ZFHX3: variants seen among roughly 807,000 people sequenced by gnomAD.
ZFHX3 encodes zinc finger homeobox protein 3.
Under a neutral mutation model 279.1 loss-of-function variants are expected in ZFHX3, and 42 were observed. That is an observed-to-expected ratio of 0.15 (90% CI 0.12 to 0.19). The LOEUF (loss-of-function observed/expected upper bound fraction) is 0.19. ZFHX3 is among the 10% of genes least tolerant of loss of function. The pLI is 1.00. For missense variants in ZFHX3, 4,981 were observed against 4,754.0 expected, an observed-to-expected ratio of 1.05 and a Z score of -1.40; for synonymous variants, 2,293 against 1,957.8, an observed-to-expected ratio of 1.17 and a Z score of -4.52.
At chr16:73,228,503 A>C (rs2012673419) in intron 5 of ZFHX3, among the ~76,000 whole-genome samples, 1 of 152,108 alleles carries the variant, frequency 6.6e-6, no homozygotes, top group Admixed American at 6.5e-5. Context: ...TCTCTACGAA[A>C]AATACAAAAA....
At chr16:73,217,399 G>C (rs1337357643) in intron 5 of ZFHX3, among the ~76,000 whole-genome samples, 1 of 152,134 alleles carries the variant, frequency 6.6e-6, no homozygotes, top group African/African-American at 2.4e-5. Context: ...CAAAATCTGA[G>C]TCAAATAAGG....
intron 4 of ZFHX3, among the ~76,000 whole-genome samples, chr16:73,284,196 G>A (rs1359701272): frequency 6.6e-6 from 1 of 150,410 alleles, no homozygotes; most frequent in Non-Finnish European, 1.5e-5. Context: ...AGGCGCCTGT[G>A]ATCCCAGCTA....
At chr16:73,359,233 C>T (rs1344454668) in intron 3 of ZFHX3, among the ~76,000 whole-genome samples, 7 of 147,854 alleles carry the variant, frequency 4.7e-5, no homozygotes, top group African/African-American at 1.8e-4. Flanking sequence ...TGGAATGTTT[C>T]ACAGTGAAGA....
chr16:73,324,589 G>A (rs180740650), intron 3 of ZFHX3, among the ~76,000 whole-genome samples: 3 of 152,344 alleles, frequency 2.0e-5, no homozygotes, highest in Admixed American at 2.0e-4. Flanking sequence ...ATGAAAGTGG[G>A]TTAAGAAAGC....
intron 2 of ZFHX3, among the ~76,000 whole-genome samples, chr16:73,478,664 T>A (rs1055342093): frequency 2.0e-5 from 3 of 152,202 alleles, no homozygotes; most frequent in African/African-American, 7.2e-5. Flanking sequence ...AGCTCTTGTA[T>A]AAACAGATAA....
intron 1 of ZFHX3, among the ~76,000 whole-genome samples, chr16:72,997,145 C>T (rs1243057771): frequency 6.6e-6 from 1 of 152,196 alleles, no homozygotes; most frequent in African/African-American, 2.4e-5. Context: ...CACAAGTGTT[C>T]CTGCAGCTTC....
intron 9 of ZFHX3, among the ~76,000 whole-genome samples, chr16:72,792,019 TG>T (rs1311986738): frequency 6.6e-6 from 1 of 152,164 alleles, no homozygotes; most frequent in Non-Finnish European, 1.5e-5. Context: ...TTTGGTGAAC[TG>T]GAACTAATCA....
intron 1 of ZFHX3, among the ~76,000 whole-genome samples, chr16:73,045,188 G>GT (rs1291808257): frequency 1.3e-5 from 2 of 152,198 alleles, no homozygotes; most frequent in Admixed American, 1.3e-4. Flanking sequence ...ACTGCACACA[G>GT]TGACAATAAG....
At chr16:73,521,775 C>A (rs923274116) in intron 2 of ZFHX3, among the ~76,000 whole-genome samples, 5 of 151,938 alleles carry the variant, frequency 3.3e-5, no homozygotes, top group African/African-American at 1.2e-4. Flanking sequence ...AAACAATAAA[C>A]TTGGAACTCT....
intron 5 of ZFHX3, among the ~76,000 whole-genome samples, chr16:73,154,353 C>T (rs1389453929): frequency 1.3e-5 from 2 of 152,162 alleles, no homozygotes; most frequent in East Asian, 3.9e-4. Flanking sequence ...CCATCTGTTT[C>T]CTGTTCCGTT....
intron 1 of ZFHX3, among the ~76,000 whole-genome samples, chr16:72,963,423 G>C (rs1961682709): frequency 6.6e-6 from 1 of 152,214 alleles, no homozygotes. Flanking sequence ...TCTCCAGTGA[G>C]AAAGTTAAAG....
At chr16:73,516,553 C>A (rs958723047) in intron 2 of ZFHX3, among the ~76,000 whole-genome samples, 1 of 152,186 alleles carries the variant, frequency 6.6e-6, no homozygotes, top group African/African-American at 2.4e-5. Context: ...AAGGCTTAGA[C>A]ATACCTCCAG....
In ZFHX3 at chr16:72,958,700, T is replaced by TTCC. The variant is rs747702902; in HGVS notation, c.1443_1445dup (p.Glu487dup). 58 of 1,613,742 alleles carry TTCC rather than the reference T, an allele frequency of 3.6e-5. No homozygotes were observed. The South Asian group carries it at 5.7e-4, about 16-fold the overall frequency. ...AACCCTCGTCTTCCTCCTCCTCTTC[T>TTCC]TCCTCCTCCTCTTCTTCCTCCTCCT... On this transcript the variant is annotated inframe_insertion, in exon 2 of 10. Transcript: ENST00000268489.
At chr16:73,726,633 C>A (rs965703284) in intron 1 of ZFHX3, among the ~76,000 whole-genome samples, 3 of 152,134 alleles carry the variant, frequency 2.0e-5, no homozygotes, top group Non-Finnish European at 4.4e-5. Context: ...TCTGGGGAGG[C>A]CTCAGAGAGC....
intron 1 of ZFHX3, among the ~76,000 whole-genome samples, chr16:73,714,266 T>G (rs1165577956): frequency 2.0e-5 from 3 of 152,180 alleles, no homozygotes; most frequent in Non-Finnish European, 4.4e-5. Context: ...AGGTCAATTT[T>G]TTTTTCCTGC....
chr16:73,741,295 A>C (rs947002730), intron 1 of ZFHX3, among the ~76,000 whole-genome samples: 6 of 152,136 alleles, frequency 3.9e-5, no homozygotes, highest in Admixed American at 6.6e-5. Flanking sequence ...GCCACTTCAC[A>C]AGTCAAGTTG....
intron 2 of ZFHX3, among the ~76,000 whole-genome samples, chr16:73,591,585 C>A (rs1227333180): frequency 1.4e-5 from 2 of 140,364 alleles, no homozygotes; most frequent in Non-Finnish European, 1.5e-5. Flanking sequence ...CCCAGTTACT[C>A]GGGAGGCTGA....
At chr16:72,898,609 C>T (rs534072187) in intron 3 of ZFHX3, among the ~76,000 whole-genome samples, 24 of 152,204 alleles carry the variant, frequency 1.6e-4, no homozygotes, top group African/African-American at 5.5e-4. Context: ...AATGTCGACG[C>T]CTCCATGTAA....
At chr16:73,843,840 A>G (rs943138249) in intron 1 of ZFHX3, among the ~76,000 whole-genome samples, 3 of 152,252 alleles carry the variant, frequency 2.0e-5, no homozygotes, top group African/African-American at 4.8e-5. Context: ...GTATGACAAC[A>G]GCCACAGACA....
Sources: allele counts gnomAD v4.1 joint callset (sites outside exome capture counted in the v4.1 genomes callset), GRCh38; gene constraint gnomAD v4.1.1; transcripts MANE v1.5; gene names NCBI Gene and HGNC (gene_info 2026-07-23, HGNC 2026-07-21).